Variants in ANKRD60 observed in about 807,000 individuals in gnomAD.
ANKRD60 encodes ankyrin repeat domain-containing protein 60.
In ANKRD60, 24 loss-of-function variants were observed where a neutral mutation model predicts 21.3. The ratio of observed to expected loss-of-function variants is 1.13; its 90% CI spans 0.82 to 1.59. The LOEUF is 1.59. ANKRD60 is among the 40% of genes most tolerant of loss of function. The pLI is 0.00. For missense variants in ANKRD60, 490 were observed against 466.7 expected, an observed-to-expected ratio of 1.05 and a Z score of -0.46; for synonymous variants, 182 against 199.4, an observed-to-expected ratio of 0.91 and a Z score of 0.74.
chr20:58,221,424 T>G (rs983699355), exon 3 of ANKRD60: 2 of 1,552,224 alleles, frequency 1.3e-6, no homozygotes, highest in Non-Finnish European at 1.7e-6. Context: ...AGACGTCCAG[T>G]GCTTCCACTT....
intron 2 of ANKRD60, among the ~76,000 whole-genome samples, chr20:58,222,141 T>A (rs1984270059): frequency 6.6e-6 from 1 of 151,516 alleles, no homozygotes; most frequent in Non-Finnish European, 1.5e-5. Flanking sequence ...AGCAGGGAGG[T>A]GACCCCTGCA....
rs567047915 is a variant in ANKRD60 at position 58,226,445 on chromosome 20, T to C, written c.430+1779A>G. The stretch of plus-strand genomic sequence containing the variant: ...AAAATCTGCTCAAAATTTGGGCTCC[T>C]GCTATATGCAGGGTTTGGTCTGGAA... On this transcript the variant is annotated intron_variant, in intron 1 of 3. Transcript: ENST00000457363. 5.3e-5 allele frequency among the ~76,000 whole-genome samples: 8 copies of C among 152,294 alleles called. No homozygotes were observed. In the East Asian group the frequency reaches 1.2e-3, roughly 22 times the overall value.
downstream of ANKRD60, among the ~76,000 whole-genome samples, chr20:58,218,100 G>T (rs1366527677): frequency 1.3e-5 from 2 of 152,082 alleles, no homozygotes; most frequent in Admixed American, 6.5e-5. Flanking sequence ...CCTGACATTT[G>T]CTGGCACTTG....
chr20:58,222,858 C>G (rs2079358803), intron 2 of ANKRD60, among the ~76,000 whole-genome samples, 194 bp downstream of exon 2: 1 of 152,134 alleles, frequency 6.6e-6, no homozygotes, highest in Non-Finnish European at 1.5e-5. Flanking sequence ...ATCGATAAAC[C>G]CAGCAAAATG....
chr20:58,221,386 C>T (rs1273124937), exon 3 of ANKRD60: 6 of 1,551,932 alleles, frequency 3.9e-6, no homozygotes, highest in Non-Finnish European at 4.4e-6. Context: ...CTGTGTGAGG[C>T]CACATACAAC....
At chr20:58,222,248 G>A (rs1984273531) in intron 2 of ANKRD60, among the ~76,000 whole-genome samples, 1 of 152,112 alleles carries the variant, frequency 6.6e-6, no homozygotes, top group South Asian at 2.1e-4. Flanking sequence ...AGGAGGAGGA[G>A]CGGGAGGGAC....
chr20:58,219,241 C>T (rs1984195906), intron 3 of ANKRD60, among the ~76,000 whole-genome samples: 1 of 152,174 alleles, frequency 6.6e-6, no homozygotes, highest in African/African-American at 2.4e-5. Context: ...CTAAATCTGA[C>T]CTTTCTTTAG....
downstream of ANKRD60, among the ~76,000 whole-genome samples, chr20:58,217,057 C>CA (rs1325522413): frequency 6.6e-6 from 1 of 152,222 alleles, no homozygotes; most frequent in Non-Finnish European, 1.5e-5. Flanking sequence ...GAGAGGCAGT[C>CA]ACATGGGTGT....
chr20:58,218,754 G>A, exon 4 of ANKRD60: 1 of 1,551,312 alleles, frequency 6.4e-7, no homozygotes, highest in Non-Finnish European at 8.7e-7. Context: ...CATAGCTGCA[G>A]CCACATGCAG....
At position 58,228,469 on chromosome 20, in the gene ANKRD60, G is replaced by A. The variant is rs1305584430; in HGVS notation, c.185C>T (p.Pro62Leu). The A allele has an allele frequency of 3.3e-6, 5 of 1,523,056 alleles. No individual in the cohort carries two copies. The highest frequency in any genetic ancestry group is 1.2e-5 in the South Asian group (1 of 82,678). The allele number at this position is 1,523,056 out of a possible 1,614,324, so 94.3% of individuals were successfully genotyped here. Reference sequence around the variant, plus strand: ...GCGGGCACAGGCCAGGGGCTGCGCGGGGAGGGCCCGCGAGTCCGCCGAGCC... The same window carrying A: ...GCGGGCACAGGCCAGGGGCTGCGCGAGGAGGGCCCGCGAGTCCGCCGAGCC... Residue 62 changes from proline to leucine, a missense_variant, in exon 1 of 4, where the codon CCC becomes CTC. Coordinates refer to ENST00000457363, the Ensembl canonical transcript of ANKRD60. The surrounding 1 kb of genome is among the most constrained non-coding windows in gnomAD (Gnocchi z 5.3).
intron 1 of ANKRD60, among the ~76,000 whole-genome samples, chr20:58,227,827 G>A (rs1436931211): frequency 6.6e-6 from 1 of 152,110 alleles, no homozygotes; most frequent in Non-Finnish European, 1.5e-5. Flanking sequence ...AGTCTTACAT[G>A]AACAGAGTTG....
At chr20:58,225,773 AG>A (rs1984351675) in intron 1 of ANKRD60, among the ~76,000 whole-genome samples, 1 of 152,216 alleles carries the variant, frequency 6.6e-6, no homozygotes, top group South Asian at 2.1e-4. Flanking sequence ...GCAGCAGCTC[AG>A]AGATTTTTTC....
chr20:58,218,462 C>T (rs543269068), downstream of ANKRD60: 139 of 1,528,628 alleles, frequency 9.1e-5, 1 homozygote, highest in South Asian at 1.6e-3. Context: ...GTTGCCCAAA[C>T]CAGCCTCAGC....
intron 3 of ANKRD60, among the ~76,000 whole-genome samples, chr20:58,220,489 CAGAG>C (rs11469843): frequency 0.013 from 1,891 of 143,896 alleles, 30 homozygotes; most frequent in African/African-American, 0.037. Flanking sequence ...TCAAGAGAGC[CAGAG>C]AGAGAGAGAG....
chr20:58,218,358 C>T, downstream of ANKRD60: 1 of 851,294 alleles, frequency 1.2e-6, no homozygotes, highest in Non-Finnish European at 1.8e-6. Flanking sequence ...CATTTGCAAA[C>T]AGGACAGATA....
intron 2 of ANKRD60, among the ~76,000 whole-genome samples, 197 bp downstream of exon 2, chr20:58,222,855 A>G (rs748434827): frequency 6.6e-5 from 10 of 152,316 alleles, no homozygotes; most frequent in Non-Finnish European, 1.2e-4. Flanking sequence ...CAAATCGATA[A>G]ACCCAGCAAA....
rs531201683 is a variant in ANKRD60, at chr20:58,223,962, C to T, written c.431-780G>A. On this transcript the variant is annotated intron_variant, in intron 1 of 3. Coordinates refer to ENST00000457363, the Ensembl canonical transcript of ANKRD60. ...ACAAAAAATACAAAAATTATCTGGG[C>T]CCGATGGCTCACACCTGTGGTCCCA... 7.9e-5 allele frequency among the ~76,000 whole-genome samples: 12 copies of T among 152,174 alleles called. No individual in the cohort carries two copies. In the South Asian group the frequency reaches 2.5e-3, roughly 32 times the overall value.
downstream of ANKRD60, among the ~76,000 whole-genome samples, chr20:58,217,835 C>A (rs1166651869): frequency 6.6e-6 from 1 of 152,172 alleles, no homozygotes; most frequent in Admixed American, 6.5e-5. Flanking sequence ...AAAATGTGAC[C>A]AGCCTGATTC....
At chr20:58,221,647 G>T in intron 2 of ANKRD60, 144 bp from the exon 3 acceptor site, 1 of 884,214 alleles carries the variant, frequency 1.1e-6, no homozygotes, top group Non-Finnish European at 1.7e-6. Flanking sequence ...AAACCCTCAT[G>T]AAAAGCTGAG....
Sources: allele counts gnomAD v4.1 joint callset (sites outside exome capture counted in the v4.1 genomes callset), GRCh38; gene constraint gnomAD v4.1.1; non-coding constraint Gnocchi (gnomAD v3.1); transcripts MANE v1.5; gene names NCBI Gene and HGNC (gene_info 2026-07-23, HGNC 2026-07-21).